The following CFAP61 variants were observed in gnomAD, a reference collection of about 807,000 sequenced individuals.
CFAP61 encodes cilia and flagella associated protein 61, also known as cilia- and flagella-associated protein 61.
CFAP61 carries 107 observed loss-of-function variants against 135.6 expected under a neutral mutation model. The observed-to-expected ratio is 0.79, with a 90% CI of 0.67 to 0.93. The LOEUF is 0.93. Ranked by LOEUF, CFAP61 falls within the 40% of genes least tolerant of loss-of-function variation. The probability of loss-of-function intolerance (pLI) is 0.00; values close to 1 mark genes in which losing one functional copy is unlikely to be tolerated. For missense variants in CFAP61, 1,507 were observed against 1,556.2 expected, an observed-to-expected ratio of 0.97 and a Z score of 0.53; for synonymous variants, 575 against 578.5, an observed-to-expected ratio of 0.99 and a Z score of 0.09.
intron 8 of CFAP61, among the ~76,000 whole-genome samples, chr20:20,124,853 C>CT (rs1212476200): frequency 3.3e-5 from 5 of 151,582 alleles, no homozygotes; most frequent in East Asian, 1.9e-4. Flanking sequence ...TGGTCCTGGA[C>CT]TTTTTTTTGT....
intron 25 of CFAP61, among the ~76,000 whole-genome samples, chr20:20,305,707 CT>C (rs570363188): frequency 1.2e-4 from 18 of 152,226 alleles, no homozygotes; most frequent in Non-Finnish European, 2.5e-4. Context: ...GCAAAGAATC[CT>C]TTCCCAAATG....
chr20:20,199,674 G>A, intron 16 of CFAP61, 94 bp from the exon 17 acceptor site: 3 of 1,413,544 alleles, frequency 2.1e-6, no homozygotes, highest in South Asian at 1.4e-5. Flanking sequence ...ACTTGGCCGA[G>A]TTAAGAGTTT....
At chr20:20,059,652 A>G (rs187527698) in intron 2 of CFAP61, among the ~76,000 whole-genome samples, 2 of 152,108 alleles carry the variant, frequency 1.3e-5, no homozygotes, top group East Asian at 3.9e-4. Context: ...AAAAATTATA[A>G]AAATGAATAA....
chr20:20,206,578 G>A (rs368884689), intron 17 of CFAP61, among the ~76,000 whole-genome samples: 11 of 152,240 alleles, frequency 7.2e-5, no homozygotes, highest in South Asian at 2.1e-4. Context: ...ACGTTGTAGC[G>A]TGTGTATCTG....
intron 17 of CFAP61, among the ~76,000 whole-genome samples, chr20:20,207,795 C>T (rs6046727): frequency 6.6e-6 from 1 of 152,016 alleles, no homozygotes; most frequent in African/African-American, 2.4e-5. Flanking sequence ...TCAGTAAAAC[C>T]TTCACTCCTC....
At chr20:20,223,434 A>G (rs927481762) in intron 17 of CFAP61, among the ~76,000 whole-genome samples, 3 of 152,206 alleles carry the variant, frequency 2.0e-5, no homozygotes, top group Non-Finnish European at 4.4e-5. Flanking sequence ...TCCAAAAGAA[A>G]TGCTATAATA....
intron 10 of CFAP61, among the ~76,000 whole-genome samples, chr20:20,162,211 C>T (rs1356649104): frequency 2.0e-5 from 3 of 152,144 alleles, no homozygotes; most frequent in Admixed American, 2.0e-4. Flanking sequence ...TAGCAGATCC[C>T]TATGATTCCT....
In CFAP61 at chr20:20,164,246, G is replaced by A. The variant is rs1171827081; in HGVS notation, c.1205+18G>A. The A allele has an allele frequency of 6.3e-7, 1 of 1,589,908 alleles. No individual in the cohort carries two copies. Among genetic ancestry groups the A allele is most frequent in the Admixed American group, 1.7e-5 (1 of 58,120 alleles). On this transcript the variant is annotated intron_variant, in intron 11 of 26. Coordinates refer to ENST00000245957, the MANE Select transcript of CFAP61 (RefSeq NM_015585.4). ...GAAGCAAGGCAAGTACTGACCTTCT[G>A]GCTGGCTGTCACAGTGAGAATCTTT...
intron 8 of CFAP61, among the ~76,000 whole-genome samples, chr20:20,121,705 G>A (rs1441078998): frequency 5.9e-5 from 9 of 152,104 alleles, no homozygotes; most frequent in Admixed American, 5.2e-4. Context: ...TGTTGGCCAT[G>A]CTGGTCTTGA....
Position 20,298,387 on chromosome 20 carries a change from G to C in CFAP61, c.3422+1G>C. ...AAAACCTGATCACAGATCTCTATAG[G>C]TGAGTTGGACATTGCATTTGACTAC... is the stretch of plus-strand genomic sequence containing the variant. On this transcript the variant is annotated splice_donor_variant, in intron 25 of 26. Transcript: ENST00000245957. LOFTEE classifies it high-confidence loss of function. 1 of 1,612,384 alleles carries C rather than the reference G, an allele frequency of 6.2e-7. No homozygotes were observed. The highest frequency in any genetic ancestry group is 8.5e-7 in the Non-Finnish European group (1 of 1,178,518).
chr20:20,339,017 T>C (rs1052776955), intron 25 of CFAP61, among the ~76,000 whole-genome samples: 2 of 152,164 alleles, frequency 1.3e-5, no homozygotes, highest in African/African-American at 4.8e-5. Context: ...GACAGTAATG[T>C]CTTCTATTTC....
chr20:20,182,861 C>A (rs977233860), intron 13 of CFAP61, among the ~76,000 whole-genome samples: 6 of 152,128 alleles, frequency 3.9e-5, no homozygotes, highest in African/African-American at 1.4e-4. Context: ...TAAAATGCAA[C>A]AGGAGGAGAT....
At chr20:20,222,237 C>T (rs374981113) in intron 17 of CFAP61, among the ~76,000 whole-genome samples, 4 of 152,156 alleles carry the variant, frequency 2.6e-5, no homozygotes, top group African/African-American at 9.6e-5. Context: ...CTTTTAAAAA[C>T]ATGCAAAATA....
chr20:20,250,119 G>T (rs2050772643), intron 19 of CFAP61, among the ~76,000 whole-genome samples: 2 of 152,216 alleles, frequency 1.3e-5, no homozygotes, highest in South Asian at 2.1e-4. Context: ...CCCATGACTA[G>T]AATTCTCTTT....
intron 20 of CFAP61, among the ~76,000 whole-genome samples, chr20:20,258,114 ACT>A (rs2051808278): frequency 6.6e-6 from 1 of 152,142 alleles, no homozygotes; most frequent in Non-Finnish European, 1.5e-5. Context: ...AAGAACCAAG[ACT>A]CTGTTTTTAC....
At chr20:20,324,765 G>A (rs2057682397) in intron 25 of CFAP61, among the ~76,000 whole-genome samples, 1 of 152,180 alleles carries the variant, frequency 6.6e-6, no homozygotes, top group African/African-American at 2.4e-5. Context: ...AGTGGGAAGT[G>A]TATCTCTCAT....
intron 21 of CFAP61, chr20:20,265,284 G>GA (rs1469704938): frequency 2.9e-5 from 21 of 731,490 alleles, no homozygotes; most frequent in Non-Finnish European, 4.8e-5. Flanking sequence ...ATTTGACCAA[G>GA]AAAAGAGCCT....
At chr20:20,336,479 G>A (rs1316293868) in intron 25 of CFAP61, among the ~76,000 whole-genome samples, 1 of 151,994 alleles carries the variant, frequency 6.6e-6, no homozygotes, top group African/African-American at 2.4e-5. Flanking sequence ...TAGAAAATTA[G>A]GCAGGTGTGA....
In CFAP61 at chr20:20,075,541, G is replaced by A. The variant is rs374205318; in HGVS notation, c.492G>A (p.Thr164=). Residue 164 remains threonine (T), a synonymous_variant, in exon 6 of 27, where the codon ACG becomes ACA. Coordinates refer to ENST00000245957, the MANE Select transcript of CFAP61 (RefSeq NM_015585.4). ...FDQVGNIPCL[T]YEEDFAVHIC... is the part of the protein sequence containing the mutation. Reference sequence around the variant, plus strand: ...AAGTGGGGAACATCCCGTGTCTGACGTATGAGGAAGACTTTGCAGTGCATA... The same window carrying A: ...AAGTGGGGAACATCCCGTGTCTGACATATGAGGAAGACTTTGCAGTGCATA... 2.5e-5 allele frequency: 40 copies of A among 1,613,974 alleles called. No homozygotes were observed. In the African/African-American group the frequency reaches 3.3e-4, roughly 13 times the overall value.
Sources: allele counts gnomAD v4.1 joint callset (sites outside exome capture counted in the v4.1 genomes callset), GRCh38; gene constraint gnomAD v4.1.1; transcripts MANE v1.5; gene names NCBI Gene and HGNC (gene_info 2026-07-23, HGNC 2026-07-21).